The following MYO1E variants were observed in gnomAD, a reference collection of about 807,000 sequenced individuals.
The protein encoded by MYO1E is myosin IE.
In MYO1E, 68 loss-of-function variants were observed where a neutral mutation model predicts 151.1. The ratio of observed to expected loss-of-function variants is 0.45; its 90% confidence interval spans 0.37 to 0.55. The LOEUF is 0.55. Ranked by LOEUF, MYO1E falls within the 20% of genes least tolerant of loss-of-function variation. MYO1E has a pLI of 0.00. For missense variants in MYO1E, 1,363 were observed against 1,389.3 expected, an observed-to-expected ratio of 0.98 and a Z score of 0.30; for synonymous variants, 601 against 501.7, an observed-to-expected ratio of 1.20 and a Z score of -2.64.
At chr15:59,282,237 G>A (rs1231923694) in intron 1 of MYO1E, among the ~76,000 whole-genome samples, 1 of 152,158 alleles carries the variant, frequency 6.6e-6, no homozygotes, top group Non-Finnish European at 1.5e-5. Context: ...TCTAGGTTGT[G>A]TTCTCACAAG....
chr15:59,294,857 T>C (rs550126521), intron 1 of MYO1E, among the ~76,000 whole-genome samples: 1 of 152,326 alleles, frequency 6.6e-6, no homozygotes, highest in South Asian at 2.1e-4. Context: ...CCTCTGCATC[T>C]TAGTCCATGA....
chr15:59,317,146 T>C (rs760169095), intron 1 of MYO1E, among the ~76,000 whole-genome samples: 33 of 152,206 alleles, frequency 2.2e-4, no homozygotes, highest in Admixed American at 3.3e-4. Context: ...TCGATAAATA[T>C]TGAATGCCAA....
intron 4 of MYO1E, among the ~76,000 whole-genome samples, chr15:59,250,387 TC>T (rs1451674987): frequency 2.6e-5 from 4 of 152,120 alleles, no homozygotes. Context: ...GGTGATGTTT[TC>T]TGGTCGGCAA....
intron 1 of MYO1E, among the ~76,000 whole-genome samples, chr15:59,352,201 G>T (rs912682744): frequency 7.9e-5 from 12 of 152,186 alleles, no homozygotes; most frequent in African/African-American, 2.9e-4. Flanking sequence ...GATTCCACTT[G>T]GAAGAATCGC....
intron 19 of MYO1E, among the ~76,000 whole-genome samples, chr15:59,175,342 A>G (rs546838569): frequency 6.8e-4 from 104 of 152,354 alleles, no homozygotes; most frequent in Non-Finnish European, 5.7e-4. Flanking sequence ...GATGATGAAC[A>G]GTCATTGCAA....
chr15:59,204,155 C>T (rs1298943665), intron 15 of MYO1E, among the ~76,000 whole-genome samples: 1 of 152,170 alleles, frequency 6.6e-6, no homozygotes, highest in East Asian at 1.9e-4. Flanking sequence ...TGTGGCTTAC[C>T]TAAACATCTC....
At chr15:59,257,960 T>C (rs1032260236) in intron 3 of MYO1E, among the ~76,000 whole-genome samples, 1 of 152,188 alleles carries the variant, frequency 6.6e-6, no homozygotes. Context: ...GCTTCGTGAA[T>C]AAGGCCGCCC....
intron 25 of MYO1E, 128 bp from the exon 26 acceptor site, chr15:59,153,919 G>A: frequency 1.2e-6 from 1 of 835,882 alleles, no homozygotes; most frequent in South Asian, 1.5e-5. Context: ...TTCCGCATTT[G>A]AAAAAAATGG....
chr15:59,281,839 C>G (rs572079336), intron 1 of MYO1E, among the ~76,000 whole-genome samples: 33 of 152,056 alleles, frequency 2.2e-4, no homozygotes, highest in Non-Finnish European at 4.6e-4. Context: ...TGGCTCATGC[C>G]TGTAATCCCA....
chr15:59,367,373 T>G (rs1338754380), intron 1 of MYO1E, among the ~76,000 whole-genome samples: 1 of 152,022 alleles, frequency 6.6e-6, no homozygotes, highest in Admixed American at 6.5e-5. Flanking sequence ...GAGATTCAAC[T>G]GAAAAAGGAG....
At chr15:59,325,666 T>A (rs1029028380) in intron 1 of MYO1E, among the ~76,000 whole-genome samples, 11 of 152,232 alleles carry the variant, frequency 7.2e-5, no homozygotes, top group African/African-American at 2.7e-4. Flanking sequence ...CATTTCTTCA[T>A]TATCTTTTTA....
At chr15:59,261,764 C>G (rs1295244276) in intron 2 of MYO1E, among the ~76,000 whole-genome samples, 1 of 152,128 alleles carries the variant, frequency 6.6e-6, no homozygotes, top group Non-Finnish European at 1.5e-5. Context: ...AAAGCACATT[C>G]TTTCAAGATG....
At chr15:59,142,783 A>G (rs970616790) in intron 26 of MYO1E, among the ~76,000 whole-genome samples, 2 of 152,214 alleles carry the variant, frequency 1.3e-5, no homozygotes, top group East Asian at 3.9e-4. Context: ...CCTTGTCCAC[A>G]TACTTCAAGC....
chr15:59,213,681 G>C (rs1054964715), intron 12 of MYO1E, among the ~76,000 whole-genome samples: 20 of 151,314 alleles, frequency 1.3e-4, no homozygotes, highest in South Asian at 2.1e-4. Context: ...GGCTGGTCTT[G>C]AACTCCCGGG....
intron 1 of MYO1E, among the ~76,000 whole-genome samples, chr15:59,276,350 G>T (rs2080318892): frequency 6.6e-6 from 1 of 152,154 alleles, no homozygotes. Context: ...TTTTAAACAG[G>T]TGGATACTCA....
rs117226401 is a variant in MYO1E at position 59,208,099 on chromosome 15, C to T, written c.1530+582G>A. On this transcript the variant is annotated intron_variant, in intron 14 of 27. Transcript: ENST00000288235. ...GCTTAAGCTTTAAAGTTGCCTAAAA[C>T]TACCATTCCGAAATTATTGAAGAGA... 3.6e-3 allele frequency: 5,497 copies of T among 1,547,532 alleles called. 14 individuals are homozygous for T. The highest frequency in any genetic ancestry group is 4.4e-3 in the Non-Finnish European group (5,094 of 1,154,808).
chr15:59,159,611 C>T lies in MYO1E; in HGVS notation c.2786-1232G>A, dbSNP rs545337016. ...TCCTGCCACTCCCTTTCCCTGGGTC[C>T]CTACTTTGTTCCCTAAACCCCGTCC... On this transcript the variant is annotated intron_variant, in intron 24 of 27. Coordinates refer to ENST00000288235, the MANE Select transcript of MYO1E (RefSeq NM_004998.4). This position sits in a 1 kb window ranked among gnomAD's most constrained non-coding sequence, Gnocchi z 4.4. Among the ~76,000 whole-genome samples, 6 of 152,302 alleles carry T rather than the reference C, an allele frequency of 3.9e-5. No homozygotes were observed. The highest frequency in any genetic ancestry group is 1.4e-4 in the African/African-American group (6 of 41,566).
intron 24 of MYO1E, among the ~76,000 whole-genome samples, chr15:59,158,752 CG>C (rs2079522090): frequency 6.6e-6 from 1 of 152,192 alleles, no homozygotes; most frequent in African/African-American, 2.4e-5. Context: ...ACTAATGCTG[CG>C]GATCAACGGG....
rs138975380 is a variant in MYO1E at position 59,322,087 on chromosome 15, A to C, written c.4-49638T>G. Among the ~76,000 whole-genome samples, 1,181 of 150,698 alleles carry C rather than the reference A, an allele frequency of 7.8e-3. 18 individuals are homozygous for C. Among genetic ancestry groups the C allele is most frequent in the African/African-American group, 0.027 (1,103 of 41,014 alleles). ...CTACTTGGAAGGCTGAGGCAGGATAATTGTTTGGACCTGGGAGGTGGAGGT... is the reference window on the plus strand; with the variant it reads ...CTACTTGGAAGGCTGAGGCAGGATACTTGTTTGGACCTGGGAGGTGGAGGT... On this transcript the variant is annotated intron_variant, in intron 1 of 27. Coordinates refer to ENST00000288235, the MANE Select transcript of MYO1E (RefSeq NM_004998.4).
Sources: allele counts gnomAD v4.1 joint callset (sites outside exome capture counted in the v4.1 genomes callset), GRCh38; gene constraint gnomAD v4.1.1; non-coding constraint Gnocchi (gnomAD v3.1); transcripts MANE v1.5; gene names NCBI Gene and HGNC (gene_info 2026-07-23, HGNC 2026-07-21).